The following RPS6KC1 variants were observed in gnomAD, a reference collection of about 807,000 sequenced individuals.
RPS6KC1 encodes ribosomal protein S6 kinase C1.
RPS6KC1 carries 54 observed loss-of-function variants against 103.8 expected under a neutral mutation model. The ratio of observed to expected loss-of-function variants is 0.52; its 90% CI spans 0.42 to 0.65. The LOEUF is 0.65. Among genes scored for constraint, RPS6KC1 ranks in the 30% least tolerant of loss-of-function variants. RPS6KC1 has a pLI of 0.00. For synonymous variants in RPS6KC1, 439 were observed against 438.7 expected (o/e 1.00, Z -0.01); for missense variants, 1,151 against 1,253.8 (o/e 0.92, Z 1.24).
intron 8 of RPS6KC1, among the ~76,000 whole-genome samples, chr1:213,182,304 C>T (rs2092309403): frequency 6.6e-6 from 1 of 152,020 alleles, no homozygotes; most frequent in Admixed American, 6.6e-5. Context: ...CCAGCCTGGC[C>T]AACATGGTGA....
At chr1:213,223,620 C>G (rs978692333) in intron 8 of RPS6KC1, among the ~76,000 whole-genome samples, 1 of 152,124 alleles carries the variant, frequency 6.6e-6, no homozygotes, top group African/African-American at 2.4e-5. Context: ...TCGCTGGGCA[C>G]TTAGGTTGGT....
At chr1:213,445,125 G>T in the RPS6KC1 span, among the ~76,000 whole-genome samples, 1 of 152,130 alleles carries the variant, frequency 6.6e-6, no homozygotes, top group Non-Finnish European at 1.5e-5. Flanking sequence ...TATCTGGCTT[G>T]TTCGACTTAG....
At chr1:213,449,315 A>G in the RPS6KC1 span, among the ~76,000 whole-genome samples, 8 of 152,342 alleles carry the variant, frequency 5.3e-5, no homozygotes, top group South Asian at 1.4e-3. Context: ...TGCCACAGCG[A>G]AAGACCACAG....
chr1:213,812,162 A>G, the RPS6KC1 span, among the ~76,000 whole-genome samples: 1 of 152,204 alleles, frequency 6.6e-6, no homozygotes, highest in African/African-American at 2.4e-5. Flanking sequence ...AAAGGAAAGA[A>G]AAGAGGGAGA....
chr1:213,086,418 C>G (rs1233452773), intron 3 of RPS6KC1, among the ~76,000 whole-genome samples: 1 of 152,208 alleles, frequency 6.6e-6, no homozygotes, highest in Non-Finnish European at 1.5e-5. Flanking sequence ...CATATTAGAA[C>G]AGCTATGTCA....
rs11799989 is a variant in RPS6KC1 at position 213,136,077 on chromosome 1, A to G, written c.835+6188A>G. ...TACATATAGCTCAATTCAGGTGTTC[A>G]AGAAATGCCAACAGGTCTCTGTCTT... On this transcript the variant is annotated intron_variant, in intron 6 of 14. Transcript: ENST00000366960. Among the ~76,000 whole-genome samples, 663 of 152,294 alleles carry G rather than the reference A, an allele frequency of 4.4e-3. 4 individuals are homozygous for G. The highest frequency in any genetic ancestry group is 0.015 in the African/African-American group (639 of 41,582).
intron 6 of RPS6KC1, among the ~76,000 whole-genome samples, chr1:213,141,125 G>A (rs933636828): frequency 6.6e-6 from 1 of 151,996 alleles, no homozygotes; most frequent in Non-Finnish European, 1.5e-5. Flanking sequence ...TCAAACTCCT[G>A]ACCTCAGGTG....
At chr1:213,849,419 C>T in the RPS6KC1 span, among the ~76,000 whole-genome samples, 2 of 152,054 alleles carry the variant, frequency 1.3e-5, no homozygotes, top group South Asian at 4.1e-4. Context: ...AATAATCAAC[C>T]CTTTCTTTAC....
At chr1:213,182,081 A>G (rs1472588000) in intron 8 of RPS6KC1, among the ~76,000 whole-genome samples, 1 of 152,212 alleles carries the variant, frequency 6.6e-6, no homozygotes, top group Non-Finnish European at 1.5e-5. Context: ...AAAGGAAGGT[A>G]AAGTTTTTAT....
At chr1:213,509,346 T>C in the RPS6KC1 span, among the ~76,000 whole-genome samples, 1 of 152,170 alleles carries the variant, frequency 6.6e-6, no homozygotes, top group South Asian at 2.1e-4. Context: ...GATCCTTTTT[T>C]TTTTTCTTCT....
At chr1:213,069,686 A>T (rs547850118) in intron 1 of RPS6KC1, among the ~76,000 whole-genome samples, 9 of 152,158 alleles carry the variant, frequency 5.9e-5, no homozygotes, top group South Asian at 2.1e-4. Flanking sequence ...TTTTTTTAAA[A>T]TTTTTTTTAA....
At chr1:213,559,827 T>C in the RPS6KC1 span, among the ~76,000 whole-genome samples, 2 of 152,324 alleles carry the variant, frequency 1.3e-5, no homozygotes, top group Non-Finnish European at 2.9e-5. Context: ...ACTTAACCCA[T>C]TATTCCAAAA....
At chr1:213,348,995 G>A in the RPS6KC1 span, among the ~76,000 whole-genome samples, 1 of 152,144 alleles carries the variant, frequency 6.6e-6, no homozygotes, top group African/African-American at 2.4e-5. Flanking sequence ...CCACATACTG[G>A]TCTTCATTTC....
the RPS6KC1 span, among the ~76,000 whole-genome samples, chr1:213,741,410 C>T: frequency 6.6e-6 from 1 of 152,072 alleles, no homozygotes; most frequent in Non-Finnish European, 1.5e-5. Context: ...CCCATCTCTT[C>T]TTGAAGAGAT....
the RPS6KC1 span, among the ~76,000 whole-genome samples, chr1:213,379,899 T>C: frequency 6.6e-6 from 1 of 151,764 alleles, no homozygotes; most frequent in Admixed American, 6.6e-5. Flanking sequence ...AGTTCAGTCA[T>C]TGTGGAAGAT....
intron 6 of RPS6KC1, among the ~76,000 whole-genome samples, chr1:213,146,465 C>T (rs1271850757): frequency 1.3e-5 from 2 of 150,100 alleles, no homozygotes; most frequent in East Asian, 3.9e-4. Flanking sequence ...CTTTGTCGCC[C>T]AGGCAGGAGT....
intron 5 of RPS6KC1, among the ~76,000 whole-genome samples, chr1:213,119,425 CATATATATATATATATATATATATAT>C (rs757888943): frequency 5.6e-4 from 51 of 90,976 alleles, no homozygotes; most frequent in African/African-American, 1.3e-3. Context: ...CCAGCCTGGG[CATATATATATATATATATATATATAT>C]ATATATATAT....
the RPS6KC1 span, among the ~76,000 whole-genome samples, chr1:213,808,439 G>C: frequency 1.3e-5 from 2 of 152,226 alleles, no homozygotes; most frequent in African/African-American, 4.8e-5. Context: ...CCACCCAGTT[G>C]GAGCTTCCTG....
the RPS6KC1 span, among the ~76,000 whole-genome samples, chr1:213,491,286 A>G: frequency 6.6e-6 from 1 of 152,210 alleles, no homozygotes; most frequent in South Asian, 2.1e-4. Flanking sequence ...AATGGCTCAC[A>G]CCTGTAATCC....
Sources: allele counts gnomAD v4.1 joint callset (sites outside exome capture counted in the v4.1 genomes callset), GRCh38; gene constraint gnomAD v4.1.1; transcripts MANE v1.5; gene names NCBI Gene and HGNC (gene_info 2026-07-23, HGNC 2026-07-21).